The following DYNC2H1 variants were observed in gnomAD, a reference collection of about 807,000 sequenced individuals.
DYNC2H1 encodes the protein dynein cytoplasmic 2 heavy chain 1.
Under a neutral mutation model 570.0 loss-of-function variants are expected in DYNC2H1, and 410 were observed. The observed-to-expected ratio is 0.72, with a 90% CI of 0.66 to 0.78. DYNC2H1 has a LOEUF of 0.78. Among genes scored for constraint, DYNC2H1 ranks in the 30% least tolerant of loss-of-function variants. DYNC2H1 has a pLI of 0.00. For missense variants in DYNC2H1, 4,865 were observed against 5,046.4 expected, an observed-to-expected ratio of 0.96 and a Z score of 1.09; for synonymous variants, 1,688 against 1,677.6, an observed-to-expected ratio of 1.01 and a Z score of -0.15.
At chr11:103,169,238 C>T (rs1861467238) in intron 32 of DYNC2H1, among the ~76,000 whole-genome samples, 1 of 152,056 alleles carries the variant, frequency 6.6e-6, no homozygotes, top group Admixed American at 6.6e-5. Flanking sequence ...TGAAATATAT[C>T]TTCATCCAAG....
chr11:103,213,865 GC>G (rs1162294773), intron 54 of DYNC2H1, among the ~76,000 whole-genome samples: 1 of 151,980 alleles, frequency 6.6e-6, no homozygotes, highest in Non-Finnish European at 1.5e-5. Context: ...CATTTTTGTT[GC>G]CTATGCTTTT....
At chr11:103,478,802 A>T (rs1945649104) in intron 88 of DYNC2H1, among the ~76,000 whole-genome samples, 1 of 151,946 alleles carries the variant, frequency 6.6e-6, no homozygotes, top group African/African-American at 2.4e-5. Flanking sequence ...ACTGTGTGAT[A>T]ATACATGGTT....
intron 54 of DYNC2H1, among the ~76,000 whole-genome samples, chr11:103,214,446 C>CTTTTTTTTTTTT (rs200386358): frequency 1.6e-5 from 2 of 127,432 alleles, no homozygotes; most frequent in Non-Finnish European, 3.2e-5. Flanking sequence ...ACTTCTTCTT[C>CTTTTTTTTTTTT]TTTTTTTTTT....
In DYNC2H1 at chr11:103,203,844, C is replaced by T; in HGVS notation, c.8311+68C>T. 9.0e-7 allele frequency: 1 copy of T among 1,113,092 alleles called. No homozygotes were observed. Among genetic ancestry groups the T allele is most frequent in the Non-Finnish European group, 1.3e-6 (1 of 789,896 alleles). The allele number at this position is 1,113,092 out of a possible 1,614,324, so 69.0% of individuals were successfully genotyped here. ...ATGAAATATATATCATTTAATTTGC[C>T]TTATTTTGTCATTAGATTGCAAAGG... On this transcript the variant is annotated intron_variant, in intron 51 of 88. Coordinates refer to ENST00000375735, the MANE Select transcript of DYNC2H1 (RefSeq NM_001377.3). This position sits in a 1 kb window ranked among gnomAD's most constrained non-coding sequence, Gnocchi z 4.7.
intron 78 of DYNC2H1, among the ~76,000 whole-genome samples, chr11:103,309,384 G>A (rs1161319453): frequency 2.1e-5 from 3 of 145,108 alleles, no homozygotes; most frequent in African/African-American, 7.6e-5. Context: ...TTTGAGAGAC[G>A]AGGCCTAACT....
At chr11:103,182,709 T>C (rs1482368316) in intron 40 of DYNC2H1, among the ~76,000 whole-genome samples, 6 of 151,912 alleles carry the variant, frequency 3.9e-5, no homozygotes, top group Non-Finnish European at 8.8e-5. Flanking sequence ...TTTATGCCAT[T>C]GCTTTTATGA....
intron 83 of DYNC2H1, among the ~76,000 whole-genome samples, chr11:103,390,123 T>C (rs1942074291): frequency 6.6e-6 from 1 of 152,194 alleles, no homozygotes; most frequent in Non-Finnish European, 1.5e-5. Flanking sequence ...TATTATTGTG[T>C]GGGAGTCTAA....
In DYNC2H1 at chr11:103,109,872, C is replaced by T. The variant is rs897716281; in HGVS notation, c.195+103C>T. 8 of 1,240,282 alleles carry T rather than the reference C, an allele frequency of 6.5e-6. No homozygotes were observed. In the African/African-American group the frequency reaches 1.2e-4, roughly 19 times the overall value. The allele number at this position is 1,240,282 out of a possible 1,614,324, so 76.8% of individuals were successfully genotyped here. A position where few individuals can be genotyped will look rare whatever the true frequency, so the allele number is the denominator to read the frequency against. ...CACTCTTTAGCTTTACCAACCAGAT[C>T]CTTTTCAGGAACCCAAGGCTGTCTC... On this transcript the variant is annotated intron_variant, in intron 1 of 88. Coordinates refer to ENST00000375735, the MANE Select transcript of DYNC2H1 (RefSeq NM_001377.3).
intron 78 of DYNC2H1, among the ~76,000 whole-genome samples, chr11:103,311,573 A>G (rs1003775145): frequency 1.1e-4 from 17 of 148,904 alleles, no homozygotes; most frequent in Admixed American, 5.6e-4. Flanking sequence ...TTAAGTAGTG[A>G]TTTAGTGTCA....
rs1404005571 is a variant in DYNC2H1, at chr11:103,395,463, TATATATC to T, written c.12157-4193_12157-4187del. The stretch of plus-strand genomic sequence containing the variant: ...ATGATCATTGTATCACTGATATACA[TATATATC>T]ATATATATATTTATGTATATGTACA... On this transcript the variant is annotated intron_variant, in intron 83 of 88. Coordinates refer to ENST00000375735, the MANE Select transcript of DYNC2H1 (RefSeq NM_001377.3). The surrounding 1 kb of genome is among the most constrained non-coding windows in gnomAD (Gnocchi z 4.3). Among the ~76,000 whole-genome samples, 5 of 142,996 alleles carry T rather than the reference TATATATC, an allele frequency of 3.5e-5. No homozygotes were observed. The allele number at this position is 142,996 out of a possible 152,430, so 93.8% of individuals were successfully genotyped here. A position where few individuals can be genotyped will look rare whatever the true frequency, so the allele number is the denominator to read the frequency against.
chr11:103,245,159 A>G lies in DYNC2H1; in HGVS notation c.9919-92A>G, dbSNP rs150260812. 11 of 1,131,566 alleles carry G rather than the reference A, an allele frequency of 9.7e-6. No homozygotes were observed. In the Admixed American group the frequency reaches 3.2e-4, roughly 33 times the overall value. 70.1% of individuals were successfully genotyped at this position (1,131,566 alleles called of 1,614,324 possible). The stretch of plus-strand genomic sequence containing the variant: ...GAATCTGAAATTGTGTTTCTATAAC[A>G]TTTTGAAATTACTGTAGAAAATCAA... On this transcript the variant is annotated intron_variant, in intron 64 of 88. Coordinates refer to ENST00000375735, the MANE Select transcript of DYNC2H1 (RefSeq NM_001377.3). The surrounding 1 kb of genome is among the most constrained non-coding windows in gnomAD (Gnocchi z 4.5).
Position 103,456,261 on chromosome 11 carries a change from C to T in DYNC2H1, c.12567-14C>T. ...GGATTATTGATTTGTGACTTTGATG[C>T]TTTACCTTTACAGGGCAGTGGGTCG... On this transcript the variant is annotated splice_polypyrimidine_tract_variant and intron_variant, in intron 86 of 88. Transcript: ENST00000375735. The T allele has an allele frequency of 6.3e-7, 1 of 1,591,196 alleles. No individual in the cohort carries two copies. The highest frequency in any genetic ancestry group is 8.6e-7 in the Non-Finnish European group (1 of 1,165,286).
intron 12 of DYNC2H1, among the ~76,000 whole-genome samples, chr11:103,128,301 A>G (rs189389019): frequency 2.6e-5 from 4 of 152,312 alleles, no homozygotes; most frequent in Admixed American, 6.5e-5. Flanking sequence ...TGCTTTGAAT[A>G]GATTATAGGA....
intron 65 of DYNC2H1, among the ~76,000 whole-genome samples, chr11:103,247,906 G>T (rs927623879): frequency 1.3e-5 from 2 of 151,860 alleles, no homozygotes; most frequent in African/African-American, 4.8e-5. Flanking sequence ...TGTACCTGAA[G>T]GGTATAGGGA....
intron 70 of DYNC2H1, among the ~76,000 whole-genome samples, chr11:103,269,124 T>A (rs2135301136): frequency 6.6e-6 from 1 of 152,312 alleles, no homozygotes; most frequent in Middle Eastern, 3.4e-3. Flanking sequence ...TTTTCATTGC[T>A]TACTTTGAAT....
chr11:103,220,270 G>GA (rs1371585972), intron 56 of DYNC2H1, among the ~76,000 whole-genome samples: 4 of 152,178 alleles, frequency 2.6e-5, no homozygotes, highest in African/African-American at 9.6e-5. Context: ...ATTGCAGAGG[G>GA]AAAAAATGTG....
chr11:103,280,515 T>C lies in DYNC2H1; in HGVS notation c.10761+102T>C. ...AATTATTTAGGCTAGAAATTATATA[T>C]CAACCTATTAATCTTTTACTAAGTT... On this transcript the variant is annotated intron_variant, in intron 71 of 88. Transcript: ENST00000375735. The surrounding 1 kb of genome is among the most constrained non-coding windows in gnomAD (Gnocchi z 4.7). The C allele has an allele frequency of 9.8e-7, 1 of 1,016,864 alleles. No homozygotes were observed. The highest frequency in any genetic ancestry group is 1.4e-5 in the South Asian group (1 of 69,730). 63.0% of individuals were successfully genotyped at this position (1,016,864 alleles called of 1,614,324 possible).
intron 66 of DYNC2H1, 35 bp downstream of exon 66, chr11:103,253,483 T>C (rs763853815): frequency 6.3e-7 from 1 of 1,577,050 alleles, no homozygotes; most frequent in Non-Finnish European, 8.6e-7. Context: ...CCTTGGAATC[T>C]TTTCGAGCTT....
At chr11:103,272,391 A>G (rs1041584062) in intron 70 of DYNC2H1, among the ~76,000 whole-genome samples, 1 of 151,922 alleles carries the variant, frequency 6.6e-6, no homozygotes, top group Non-Finnish European at 1.5e-5. Flanking sequence ...CTTGGACACA[A>G]GAAGGGGAAC....
Sources: gnomAD v4.1 joint callset for allele counts (sites outside exome capture counted in the v4.1 genomes callset) on GRCh38, gnomAD v4.1.1 for gene constraint, Gnocchi (gnomAD v3.1) non-coding constraint, MANE v1.5 for transcripts, NCBI Gene and HGNC (gene_info 2026-07-23, HGNC 2026-07-21) for gene names.